Variants in KIAA1328 observed in about 807,000 individuals in gnomAD.
KIAA1328 encodes the protein KIAA1328, also known as protein hinderin.
Under a neutral mutation model 68.1 loss-of-function variants are expected in KIAA1328, and 52 were observed. The ratio of observed to expected loss-of-function variants is 0.76; its 90% CI spans 0.61 to 0.96. KIAA1328 has a LOEUF of 0.96. Among genes scored for constraint, KIAA1328 ranks in the 40% least tolerant of loss-of-function variants. The probability of loss-of-function intolerance (pLI) is 0.00; values close to 1 mark genes in which losing one functional copy is unlikely to be tolerated. For missense variants in KIAA1328, 641 were observed against 677.6 expected (o/e 0.95, Z 0.60); for synonymous variants, 232 against 239.4 (o/e 0.97, Z 0.28).
At chr18:37,147,821 G>T (rs375928205) in intron 7 of KIAA1328, among the ~76,000 whole-genome samples, 2 of 152,198 alleles carry the variant, frequency 1.3e-5, no homozygotes, top group African/African-American at 4.8e-5. Flanking sequence ...TTATGTGTCA[G>T]TTAGTGATAG....
chr18:36,946,348 G>A (rs1281313005), intron 5 of KIAA1328: 1 of 152,170 alleles, frequency 6.6e-6, no homozygotes, highest in African/African-American at 2.4e-5. Context: ...TCAACATAAA[G>A]GAGAAGGATG....
At chr18:36,917,237 G>A (rs79285269) in intron 5 of KIAA1328, among the ~76,000 whole-genome samples, 1 of 152,044 alleles carries the variant, frequency 6.6e-6, no homozygotes. Context: ...TTCTGTTGTA[G>A]TCCTCTGAAG....
chr18:37,126,149 A>G (rs915272986), intron 7 of KIAA1328, among the ~76,000 whole-genome samples: 30 of 152,200 alleles, frequency 2.0e-4, no homozygotes, highest in Admixed American at 1.4e-3. Context: ...ATTGTATAAA[A>G]TTACCTTTAG....
intron 6 of KIAA1328, chr18:37,063,694 C>T: frequency 1.0e-6 from 1 of 984,580 alleles, no homozygotes; most frequent in Non-Finnish European, 1.2e-6. Context: ...AGCTGTACTA[C>T]CTCTCAAAAA....
At chr18:36,910,169 T>C (rs2049381115) in intron 5 of KIAA1328, among the ~76,000 whole-genome samples, 1 of 152,152 alleles carries the variant, frequency 6.6e-6, no homozygotes, top group South Asian at 2.1e-4. Context: ...CCGTTGCTTT[T>C]GGTGTTTTCG....
At chr18:37,020,391 G>A (rs1460981271) in intron 6 of KIAA1328, among the ~76,000 whole-genome samples, 2 of 152,212 alleles carry the variant, frequency 1.3e-5, no homozygotes, top group Non-Finnish European at 2.9e-5. Context: ...CCAAAATGCT[G>A]GGATTACAGG....
At chr18:36,991,812 T>C (rs1047563924) in intron 6 of KIAA1328, among the ~76,000 whole-genome samples, 3 of 152,190 alleles carry the variant, frequency 2.0e-5, no homozygotes, top group Non-Finnish European at 2.9e-5. Context: ...AAAAAGTAGC[T>C]AGACTTCTTA....
intron 5 of KIAA1328, among the ~76,000 whole-genome samples, chr18:36,921,716 T>G (rs1350293102): frequency 5.3e-5 from 8 of 152,120 alleles, no homozygotes; most frequent in Non-Finnish European, 4.4e-5. Context: ...TTCTTTACAT[T>G]TTTAACAGAC....
intron 6 of KIAA1328, among the ~76,000 whole-genome samples, chr18:37,045,112 A>C (rs1342303220): frequency 1.3e-5 from 2 of 152,188 alleles, no homozygotes; most frequent in African/African-American, 4.8e-5. Flanking sequence ...TTTCTCCTTA[A>C]TTCCTGAGGG....
chr18:36,875,336 A>G (rs2048083870), intron 4 of KIAA1328, among the ~76,000 whole-genome samples: 1 of 152,088 alleles, frequency 6.6e-6, no homozygotes, highest in Non-Finnish European at 1.5e-5. Flanking sequence ...GTCCTTTCTT[A>G]TTTCCTTGAG....
chr18:37,116,490 C>T (rs1459731022), intron 7 of KIAA1328, among the ~76,000 whole-genome samples: 2 of 152,292 alleles, frequency 1.3e-5, no homozygotes, highest in East Asian at 3.9e-4. Flanking sequence ...CCCTTCCTTA[C>T]ACCTTATACA....
intron 7 of KIAA1328, among the ~76,000 whole-genome samples, chr18:37,129,006 G>T (rs2058459193): frequency 6.6e-6 from 1 of 152,190 alleles, no homozygotes; most frequent in Non-Finnish European, 1.5e-5. Context: ...GCTGGGGATG[G>T]AGTAAGGGAA....
At chr18:37,171,183 C>T (rs1180306078) in intron 8 of KIAA1328, among the ~76,000 whole-genome samples, 1 of 151,990 alleles carries the variant, frequency 6.6e-6, no homozygotes, top group African/African-American at 2.4e-5. Flanking sequence ...CAGTTACTAC[C>T]TTATACTGCC....
chr18:37,188,112 G>T (rs931495207), intron 9 of KIAA1328, among the ~76,000 whole-genome samples: 1 of 152,288 alleles, frequency 6.6e-6, no homozygotes, highest in South Asian at 2.1e-4. Flanking sequence ...ACTTTCACTC[G>T]AATGCATTTA....
chr18:36,910,622 A>G (rs2049405798), intron 5 of KIAA1328, among the ~76,000 whole-genome samples: 2 of 152,200 alleles, frequency 1.3e-5, no homozygotes, highest in South Asian at 4.1e-4. Flanking sequence ...TTTTGGTTCC[A>G]TATGAACTTT....
chr18:36,865,155 A>G (rs1166485267), intron 4 of KIAA1328, among the ~76,000 whole-genome samples: 1 of 150,892 alleles, frequency 6.6e-6, no homozygotes, highest in Non-Finnish European at 1.5e-5. Context: ...TTCTTTTTCA[A>G]TGTAAGCATT....
intron 7 of KIAA1328, among the ~76,000 whole-genome samples, chr18:37,122,955 A>G (rs1308415897): frequency 6.6e-6 from 1 of 152,190 alleles, no homozygotes; most frequent in Non-Finnish European, 1.5e-5. Context: ...AGGGTATTGA[A>G]GTAGTAATGT....
intron 5 of KIAA1328, among the ~76,000 whole-genome samples, chr18:36,940,965 T>C (rs534311417): frequency 2.5e-4 from 38 of 152,220 alleles, no homozygotes; most frequent in Non-Finnish European, 5.0e-4. Context: ...TGAGCCACCA[T>C]GCACAGCCGA....
chr18:37,026,696 A>G lies in KIAA1328; in HGVS notation c.577-40194A>G, dbSNP rs1173195945. ...CAGCCCTTCATGCTAAAACCTCTCA[A>G]TGAACTAGGTATTGATGGGATGTAT... is the stretch of plus-strand genomic sequence containing the variant. On this transcript the variant is annotated intron_variant, in intron 6 of 9. Transcript: ENST00000280020. 2.0e-5 allele frequency among the ~76,000 whole-genome samples: 3 copies of G among 152,318 alleles called. No individual in the cohort carries two copies. In the East Asian group the frequency reaches 5.8e-4, roughly 29 times the overall value.
Sources: gnomAD v4.1 joint callset for allele counts (sites outside exome capture counted in the v4.1 genomes callset) on GRCh38, gnomAD v4.1.1 for gene constraint, MANE v1.5 for transcripts, NCBI Gene and HGNC (gene_info 2026-07-23, HGNC 2026-07-21) for gene names.